Variants in UMAD1 observed in about 807,000 individuals in gnomAD.
UMAD1 encodes UBAP1-MVB12-associated (UMA) domain containing 1, also known as UBAP1-MVB12-associated (UMA)-domain containing protein 1.
In UMAD1, 8 loss-of-function variants were observed where a neutral mutation model predicts 6.1. The ratio of observed to expected loss-of-function variants is 1.30; its 90% confidence interval spans 0.76 to 2.35. The LOEUF is 2.35. Among genes scored for constraint, UMAD1 ranks in the 30% most tolerant of loss-of-function variants. The pLI is 0.00. For missense variants in UMAD1, 130 were observed against 78.4 expected, an observed-to-expected ratio of 1.66 and a Z score of -2.49; for synonymous variants, 56 against 31.4, an observed-to-expected ratio of 1.78 and a Z score of -2.61.
intron 2 of UMAD1, chr7:7,736,944 A>C (rs533840573): frequency 1.3e-5 from 2 of 152,368 alleles, no homozygotes; most frequent in Non-Finnish European, 2.9e-5. Flanking sequence ...AACCTGGGTC[A>C]CCAGAGGTCA....
At chr7:7,727,077 C>T (rs114182302) in intron 2 of UMAD1, among the ~76,000 whole-genome samples, 1,993 of 152,282 alleles carry the variant, frequency 0.013, 35 homozygotes, top group African/African-American at 0.037. Context: ...AAACCCATGA[C>T]CTGTTGAGGT....
intron 1 of UMAD1, among the ~76,000 whole-genome samples, chr7:7,665,652 C>T (rs1335640781): frequency 2.0e-5 from 3 of 152,300 alleles, no homozygotes; most frequent in Non-Finnish European, 4.4e-5. Context: ...CCAAGAGTTT[C>T]CTGCTACTCC....
chr7:7,729,819 T>G (rs998585361), intron 2 of UMAD1, among the ~76,000 whole-genome samples: 2 of 152,198 alleles, frequency 1.3e-5, no homozygotes, highest in African/African-American at 4.8e-5. Flanking sequence ...CAGTGCTACC[T>G]TGAAAAACGT....
In UMAD1 at chr7:7,785,927, A is replaced by G. The variant is rs77409407; in HGVS notation, c.83-15743A>G. Among the ~76,000 whole-genome samples the G allele has an allele frequency of 9.6e-3, 1,462 of 152,336 alleles. 42 individuals are homozygous for G. Among genetic ancestry groups the G allele is most frequent in the East Asian group, 0.05 (258 of 5,194 alleles). On this transcript the variant is annotated intron_variant, in intron 2 of 3. Transcript: ENST00000682710. ...TATATTTATCTGTGTACCTATCTGT[A>G]TATCATATTCATGTATTCTAATCAT...
intron 2 of UMAD1, among the ~76,000 whole-genome samples, chr7:7,704,134 C>T (rs1304080307): frequency 1.3e-5 from 2 of 152,144 alleles, no homozygotes; most frequent in Non-Finnish European, 2.9e-5. Context: ...CTAAACAACA[C>T]ATCATGATAG....
In UMAD1 at chr7:7,821,019, G is replaced by A. The variant is rs79029026; in HGVS notation, c.156+19276G>A. The stretch of plus-strand genomic sequence containing the variant: ...CTAGTTATTAATGAAAATTAAGCGT[G>A]ACTTTTTTAGGATTCAATTCCTGTT... On this transcript the variant is annotated intron_variant, in intron 3 of 3. Coordinates refer to ENST00000682710, the MANE Select transcript of UMAD1 (RefSeq NM_001302348.2). Among the ~76,000 whole-genome samples the A allele has an allele frequency of 9.5e-3, 1,453 of 152,246 alleles. 62 individuals are homozygous for A. In the East Asian group the frequency reaches 0.14, roughly 15 times the overall value.
chr7:7,640,761 C>G lies in UMAD1; in HGVS notation c.-124C>G. On this transcript the variant is annotated 5_prime_UTR_variant, in exon 1 of 4. Transcript: ENST00000682710. ...CAGGATTCCCGGCGGTGACTTGACC[C>G]CGGAAGTGGGGTGTGAAGCTCCGGT... The G allele has an allele frequency of 4.0e-6, 1 of 248,760 alleles. No individual in the cohort carries two copies. The highest frequency in any genetic ancestry group is 8.0e-6 in the Non-Finnish European group (1 of 125,704). 15.4% of individuals were successfully genotyped at this position (248,760 alleles called of 1,614,324 possible).
At chr7:7,697,530 C>T (rs1303346392) in intron 2 of UMAD1, among the ~76,000 whole-genome samples, 2 of 152,194 alleles carry the variant, frequency 1.3e-5, no homozygotes, top group East Asian at 3.9e-4. Flanking sequence ...TTGTGGCAGT[C>T]CTGCTCAAAA....
intron 2 of UMAD1, among the ~76,000 whole-genome samples, chr7:7,753,501 A>G (rs1460993542): frequency 2.0e-5 from 3 of 152,178 alleles, no homozygotes; most frequent in African/African-American, 7.2e-5. Flanking sequence ...TTGAGATCCC[A>G]CGAATAAGTG....
intron 2 of UMAD1, among the ~76,000 whole-genome samples, chr7:7,714,461 T>A (rs13246995): frequency 3.3e-5 from 5 of 152,082 alleles, no homozygotes; most frequent in Non-Finnish European, 7.4e-5. Flanking sequence ...GGAGTACTTA[T>A]AGCTACGAAA....
intron 2 of UMAD1, among the ~76,000 whole-genome samples, chr7:7,788,648 A>C (rs73356212): frequency 8.6e-5 from 12 of 140,082 alleles, no homozygotes; most frequent in African/African-American, 3.3e-4. Flanking sequence ...CCTTCTCTCA[A>C]CTCCTCAGAT....
Position 7,762,949 on chromosome 7 carries a change from C to T in UMAD1, c.83-38721C>T, listed in dbSNP as rs554218187. 6.7e-4 allele frequency among the ~76,000 whole-genome samples: 102 copies of T among 152,058 alleles called. 1 individual carries two copies. Among genetic ancestry groups the T allele is most frequent in the Non-Finnish European group, 1.2e-3 (84 of 67,974 alleles). On this transcript the variant is annotated intron_variant, in intron 2 of 3. Coordinates refer to ENST00000682710, the MANE Select transcript of UMAD1 (RefSeq NM_001302348.2). ...TTTTAAATGCTTTTAAGCCGGCACT[C>T]TTAAACGAAAATAGAGAATATCAGA... is the stretch of plus-strand genomic sequence containing the variant.
intron 3 of UMAD1, among the ~76,000 whole-genome samples, chr7:7,834,790 G>A (rs1583860573): frequency 6.6e-6 from 1 of 152,108 alleles, no homozygotes; most frequent in East Asian, 1.9e-4. Context: ...TATGGGTGGG[G>A]GTGTGTAGGG....
intron 2 of UMAD1, among the ~76,000 whole-genome samples, 178 bp downstream of exon 2, chr7:7,673,631 C>G (rs952886932): frequency 7.9e-5 from 12 of 152,016 alleles, no homozygotes; most frequent in African/African-American, 2.7e-4. Flanking sequence ...GGAATAGTGT[C>G]ATCAAGTGAG....
chr7:7,865,337 C>T (rs1385744694), intron 3 of UMAD1, among the ~76,000 whole-genome samples: 2 of 152,110 alleles, frequency 1.3e-5, no homozygotes, highest in Non-Finnish European at 2.9e-5. Flanking sequence ...GTAGAACACT[C>T]GGTTGTTATT....
At chr7:7,664,357 A>G (rs1269235843) in intron 1 of UMAD1, among the ~76,000 whole-genome samples, 1 of 152,134 alleles carries the variant, frequency 6.6e-6, no homozygotes, top group Non-Finnish European at 1.5e-5. Context: ...TCTCTCTAGC[A>G]TGCTATTTTA....
At chr7:7,743,958 G>T (rs1781521147) in intron 2 of UMAD1, among the ~76,000 whole-genome samples, 1 of 151,822 alleles carries the variant, frequency 6.6e-6, no homozygotes, top group South Asian at 2.1e-4. Context: ...AACGTAAAGT[G>T]TACGATTCAA....
intron 2 of UMAD1, among the ~76,000 whole-genome samples, chr7:7,752,301 T>C (rs1256000926): frequency 6.6e-6 from 1 of 152,112 alleles, no homozygotes; most frequent in Non-Finnish European, 1.5e-5. Context: ...ACTTAGTTAA[T>C]AAAAAAGAGT....
At chr7:7,814,128 C>A (rs1216566851) in intron 3 of UMAD1, among the ~76,000 whole-genome samples, 1 of 152,062 alleles carries the variant, frequency 6.6e-6, no homozygotes, top group Non-Finnish European at 1.5e-5. Flanking sequence ...GGACTACAGG[C>A]ACCCAACACC....
Sources: allele counts gnomAD v4.1 joint callset (sites outside exome capture counted in the v4.1 genomes callset), GRCh38; gene constraint gnomAD v4.1.1; transcripts MANE v1.5; gene names NCBI Gene and HGNC (gene_info 2026-07-23, HGNC 2026-07-21).